Variants in TOX2 observed in about 807,000 individuals in gnomAD.
TOX2 encodes the protein granulosa cell HMG box 1.
In TOX2, 15 loss-of-function variants were observed where a neutral mutation model predicts 47.4. That is an observed-to-expected ratio of 0.32 (90% CI 0.21 to 0.49). The LOEUF is 0.49. TOX2 is among the 20% of genes least tolerant of loss of function. The pLI is 0.99. For missense variants in TOX2, 622 were observed against 673.1 expected (o/e 0.92, Z 0.84); for synonymous variants, 290 against 296.6 (o/e 0.98, Z 0.23).
At chr20:44,056,842 A>ACCT (rs1311270334) in intron 5 of TOX2, among the ~76,000 whole-genome samples, 2 of 152,232 alleles carry the variant, frequency 1.3e-5, no homozygotes, top group Non-Finnish European at 1.5e-5. Flanking sequence ...CTAGGTTTAA[A>ACCT]AAAAGTGTCT....
chr20:43,953,891 T>C (rs2069623157), intron 1 of TOX2, among the ~76,000 whole-genome samples: 1 of 152,144 alleles, frequency 6.6e-6, no homozygotes, highest in South Asian at 2.1e-4. Flanking sequence ...CTTCTGGAAG[T>C]CAACTCTATG....
At chr20:44,047,323 C>A (rs1404157756) in intron 3 of TOX2, among the ~76,000 whole-genome samples, 1 of 152,122 alleles carries the variant, frequency 6.6e-6, no homozygotes, top group East Asian at 1.9e-4. Context: ...TAAAATTGCT[C>A]ATCTCAACTC....
chr20:43,972,241 A>G (rs1329743370), intron 1 of TOX2, among the ~76,000 whole-genome samples: 1 of 152,102 alleles, frequency 6.6e-6, no homozygotes, highest in African/African-American at 2.4e-5. Context: ...ATGGCCTATG[A>G]CTTCCTTACC....
intron 1 of TOX2, among the ~76,000 whole-genome samples, chr20:43,951,707 G>GTTTGTTTTTTTT (rs2069571364): frequency 3.6e-5 from 2 of 55,098 alleles, no homozygotes; most frequent in African/African-American, 1.1e-4. Flanking sequence ...AACTTATTAT[G>GTTTGTTTTTTTT]TTTTTTTTTT....
At chr20:43,934,491 T>A (rs1462057163) in intron 1 of TOX2, among the ~76,000 whole-genome samples, 1 of 152,070 alleles carries the variant, frequency 6.6e-6, no homozygotes, top group African/African-American at 2.4e-5. Flanking sequence ...GGAACATACT[T>A]TCTCTTCCTA....
rs558666405 is a variant in TOX2 at position 43,980,848 on chromosome 20, A to G, written c.165+7416A>G. On this transcript the variant is annotated intron_variant, in intron 2 of 8. Transcript: ENST00000341197. Reference sequence around the variant, plus strand: ...AACATAAAACTAAATTAATATAAATATAAAAATTAACATAAAATCAACATA... The same window carrying G: ...AACATAAAACTAAATTAATATAAATGTAAAAATTAACATAAAATCAACATA... Among the ~76,000 whole-genome samples the G allele has an allele frequency of 6.6e-5, 10 of 152,314 alleles. No homozygotes were observed. The East Asian group carries it at 1.9e-3, about 29-fold the overall frequency.
chr20:43,994,143 C>T (rs2145560482), intron 2 of TOX2, among the ~76,000 whole-genome samples: 1 of 151,680 alleles, frequency 6.6e-6, no homozygotes, highest in Admixed American at 6.6e-5. Context: ...AGAGCAAGAC[C>T]CTGTCTCGAA....
chr20:43,973,914 G>C (rs1048699741), intron 2 of TOX2, among the ~76,000 whole-genome samples: 2 of 152,172 alleles, frequency 1.3e-5, no homozygotes, highest in African/African-American at 4.8e-5. Context: ...AGAGCAGAAG[G>C]TCTTACTGGT....
intron 3 of TOX2, among the ~76,000 whole-genome samples, chr20:44,042,292 G>T (rs2071345110): frequency 6.6e-6 from 1 of 152,154 alleles, no homozygotes; most frequent in Non-Finnish European, 1.5e-5. Context: ...CCTCCCATTG[G>T]GTCCCTCCCA....
chr20:43,989,311 G>A (rs1464644415), intron 2 of TOX2, among the ~76,000 whole-genome samples: 1 of 152,168 alleles, frequency 6.6e-6, no homozygotes, highest in Non-Finnish European at 1.5e-5. Context: ...CCTACCCTGA[G>A]GAGCAGTTAG....
At chr20:44,029,631 T>C (rs2071118998) in intron 3 of TOX2, among the ~76,000 whole-genome samples, 1 of 152,190 alleles carries the variant, frequency 6.6e-6, no homozygotes, top group Admixed American at 6.5e-5. Context: ...CACCCGCTTC[T>C]GCAGTTAGGA....
intron 2 of TOX2, among the ~76,000 whole-genome samples, chr20:43,988,776 T>C (rs1439680538): frequency 1.3e-5 from 2 of 152,186 alleles, no homozygotes; most frequent in Non-Finnish European, 2.9e-5. Context: ...GACACACTTA[T>C]TCACAGGTGT....
At chr20:43,979,777 T>C (rs1289298810) in intron 2 of TOX2, among the ~76,000 whole-genome samples, 1 of 152,216 alleles carries the variant, frequency 6.6e-6, no homozygotes, top group Non-Finnish European at 1.5e-5. Context: ...TATGAAAAGT[T>C]GCTCAATATC....
chr20:43,943,481 C>G (rs2069426759), intron 1 of TOX2, among the ~76,000 whole-genome samples: 1 of 152,144 alleles, frequency 6.6e-6, no homozygotes, highest in Admixed American at 6.5e-5. Context: ...AGGCCCTCGC[C>G]CAGGTGACCA....
At chr20:44,008,559 CAAAA>C (rs11353562) in intron 3 of TOX2, among the ~76,000 whole-genome samples, 48 of 149,226 alleles carry the variant, frequency 3.2e-4, no homozygotes, top group African/African-American at 1.1e-3. Flanking sequence ...GACCCTGTCT[CAAAA>C]AAAAAAAAAT....
At chr20:44,031,292 G>A (rs748800219) in intron 3 of TOX2, among the ~76,000 whole-genome samples, 6 of 152,146 alleles carry the variant, frequency 3.9e-5, no homozygotes, top group South Asian at 2.1e-4. Flanking sequence ...ATAGTACTGC[G>A]CTGGAATAAG....
intron 2 of TOX2, among the ~76,000 whole-genome samples, chr20:43,992,442 C>A (rs954289842): frequency 6.6e-6 from 1 of 152,090 alleles, no homozygotes; most frequent in Non-Finnish European, 1.5e-5. Context: ...GCATCCCTTG[C>A]AGTGATTTAA....
chr20:43,926,267 A>G (rs1391351586), intron 1 of TOX2, among the ~76,000 whole-genome samples: 2 of 151,788 alleles, frequency 1.3e-5, no homozygotes, highest in African/African-American at 4.8e-5. Flanking sequence ...AAGGTCTCCC[A>G]CCCCCACTCC....
At chr20:44,010,955 C>T (rs2070768640) in intron 3 of TOX2, among the ~76,000 whole-genome samples, 4 of 152,114 alleles carry the variant, frequency 2.6e-5, no homozygotes, top group Admixed American at 2.6e-4. Context: ...CAGAGGCTGT[C>T]GGGGAGAATC....
Sources: gnomAD v4.1 joint callset for allele counts (sites outside exome capture counted in the v4.1 genomes callset) on GRCh38, gnomAD v4.1.1 for gene constraint, MANE v1.5 for transcripts, NCBI Gene and HGNC (gene_info 2026-07-23, HGNC 2026-07-21) for gene names.